The following CRYBB2 variants were observed in gnomAD, a reference collection of about 807,000 sequenced individuals.
CRYBB2 encodes crystallin beta B2.
A neutral mutation model predicts 24.3 loss-of-function variants in CRYBB2; 12 were observed. The ratio of observed to expected loss-of-function variants is 0.49; its 90% CI spans 0.32 to 0.80. The LOEUF is 0.80. Ranked by LOEUF, CRYBB2 falls within the 30% of genes least tolerant of loss-of-function variation. CRYBB2 has a pLI of 0.04. For synonymous variants in CRYBB2, 98 were observed against 101.6 expected, an observed-to-expected ratio of 0.96 and a Z score of 0.21; for missense variants, 198 against 268.5, an observed-to-expected ratio of 0.74 and a Z score of 1.83.
rs1448016398 is a variant in CRYBB2 at position 25,230,157 on chromosome 22, T to A, written c.449+579T>A. Reference sequence around the variant, plus strand: ...AGCTTATACCAGCTTGTAAGAACTTTTTTTTTTTTTTTTAATTGAGACGGA... The same window carrying A: ...AGCTTATACCAGCTTGTAAGAACTTATTTTTTTTTTTTTAATTGAGACGGA... On this transcript the variant is annotated intron_variant, in intron 5 of 5. Transcript: ENST00000398215. 4.2e-4 allele frequency among the ~76,000 whole-genome samples: 55 copies of A among 129,676 alleles called. 1 individual carries two copies. The highest frequency in any genetic ancestry group is 2.7e-4 in the Non-Finnish European group (17 of 63,364). 85.1% of individuals were successfully genotyped at this position (129,676 alleles called of 152,430 possible).
intron 5 of CRYBB2, among the ~76,000 whole-genome samples, chr22:25,230,882 T>G (rs1012288403): frequency 3.3e-5 from 5 of 151,522 alleles, no homozygotes; most frequent in African/African-American, 1.2e-4. Flanking sequence ...TGAGCTGAGA[T>G]CTCAAGGAAC....
chr22:25,226,176 G>C (rs964616135), intron 3 of CRYBB2, among the ~76,000 whole-genome samples: 43 of 51,198 alleles, frequency 8.4e-4, no homozygotes, highest in East Asian at 0.016. Flanking sequence ...CTCTGTGTGT[G>C]TGTGTGTGTG....
intron 5 of CRYBB2, among the ~76,000 whole-genome samples, chr22:25,230,932 C>A (rs1308734630): frequency 6.6e-6 from 1 of 152,036 alleles, no homozygotes; most frequent in East Asian, 1.9e-4. Context: ...GGAAGAGCAT[C>A]CCAGACAACG....
chr22:25,213,122 A>G (rs2146080219), intron 1 of CRYBB2, among the ~76,000 whole-genome samples: 1 of 152,238 alleles, frequency 6.6e-6, no homozygotes, highest in East Asian at 1.9e-4. Context: ...TTTTGAAAGC[A>G]TGCACGTAGA....
chr22:25,218,756 A>G (rs1601416139), upstream of CRYBB2, among the ~76,000 whole-genome samples: 1 of 40,348 alleles, frequency 2.5e-5, no homozygotes, highest in Non-Finnish European at 4.6e-5. Flanking sequence ...AGAGAGAGAG[A>G]GAGAGAGAGA....
At chr22:25,216,881 T>G (rs1029494026), upstream of CRYBB2, among the ~76,000 whole-genome samples, 3 of 152,198 alleles carry the variant, frequency 2.0e-5, no homozygotes, top group Middle Eastern at 3.2e-3. Context: ...CATACAATAT[T>G]TGTCCTTTTG....
upstream of CRYBB2, among the ~76,000 whole-genome samples, chr22:25,218,546 G>A (rs1461171817): frequency 1.3e-5 from 2 of 151,006 alleles, no homozygotes; most frequent in Admixed American, 6.6e-5. Context: ...CACACCTGTA[G>A]TCCCAGCTAC....
chr22:25,214,259 G>T (rs542303878), intron 1 of CRYBB2, among the ~76,000 whole-genome samples: 1 of 152,164 alleles, frequency 6.6e-6, no homozygotes, highest in Non-Finnish European at 1.5e-5. Flanking sequence ...GATCACTTGA[G>T]CCCAGCAGTT....
upstream of CRYBB2, among the ~76,000 whole-genome samples, chr22:25,214,949 C>T (rs372821499): frequency 2.6e-5 from 4 of 152,258 alleles, no homozygotes; most frequent in African/African-American, 9.6e-5. Flanking sequence ...TTTTACCACT[C>T]CTATCAGCCA....
chr22:25,218,186 G>T (rs183811008), upstream of CRYBB2, among the ~76,000 whole-genome samples: 8 of 152,080 alleles, frequency 5.3e-5, no homozygotes, highest in African/African-American at 1.2e-4. Context: ...GTGAACACGG[G>T]AGGCAGAGCT....
At chr22:25,218,509 A>C (rs1251953441), upstream of CRYBB2, among the ~76,000 whole-genome samples, 2 of 150,928 alleles carry the variant, frequency 1.3e-5, no homozygotes, top group African/African-American at 2.4e-5. Flanking sequence ...TACAGCAAAA[A>C]AAAGAATTTA....
chr22:25,220,111 T>A (rs1015915291), intron 1 of CRYBB2, among the ~76,000 whole-genome samples: 1 of 152,134 alleles, frequency 6.6e-6, no homozygotes, highest in Non-Finnish European at 1.5e-5. Flanking sequence ...GGGGATAGGA[T>A]GCAGCCACAG....
chr22:25,218,838 G>GAAAGAAAGAAAGAAAGAAAGAAAA (rs386365958), upstream of CRYBB2, among the ~76,000 whole-genome samples: 3 of 97,992 alleles, frequency 3.1e-5, no homozygotes, highest in Non-Finnish European at 6.1e-5. Flanking sequence ...AAGAAAGAAA[G>GAAAGAAAGAAAGAAAGAAAGAAAA]AGAAAGAAAG....
upstream of CRYBB2, among the ~76,000 whole-genome samples, chr22:25,218,838 G>GAA (rs386365958): frequency 7.8e-3 from 760 of 97,962 alleles, 44 homozygotes; most frequent in East Asian, 0.026. Flanking sequence ...AAGAAAGAAA[G>GAA]AGAAAGAAAG....
In CRYBB2 at chr22:25,229,449, A is replaced by G; in HGVS notation, c.320A>G (p.His107Arg). The G allele has an allele frequency of 1.2e-6, 2 of 1,611,422 alleles. No individual in the cohort carries two copies. Among genetic ancestry groups the G allele is most frequent in the Non-Finnish European group, 1.7e-6 (2 of 1,178,824 alleles). Residue 107 changes from histidine (H) to arginine (R), a missense_variant, in exon 5 of 6, where the codon CAC becomes CGC. Coordinates refer to ENST00000398215, the MANE Select transcript of CRYBB2 (RefSeq NM_000496.3). ...CTCTGCCAATAGGACAGCCAAGAGC[A>G]CAAGATCATCCTCTATGAAAACCCC... is the stretch of plus-strand genomic sequence containing the variant. The part of the protein sequence containing the change: ...LRPIKVDSQE[H>R]KIILYENPNF...
upstream of CRYBB2, among the ~76,000 whole-genome samples, chr22:25,217,982 G>C (rs549549607): frequency 1.3e-5 from 2 of 152,228 alleles, no homozygotes; most frequent in African/African-American, 2.4e-5. Context: ...AGTAAAGGCC[G>C]GGCGCGGTGG....
chr22:25,211,928 T>C (rs568785770), upstream of CRYBB2, among the ~76,000 whole-genome samples: 1 of 152,358 alleles, frequency 6.6e-6, no homozygotes, highest in Admixed American at 6.5e-5. Flanking sequence ...TTTCCTCTCC[T>C]AGCTCTACCA....
chr22:25,226,486 T>C (rs1281429097), intron 3 of CRYBB2, among the ~76,000 whole-genome samples: 1 of 152,148 alleles, frequency 6.6e-6, no homozygotes, highest in East Asian at 1.9e-4. Flanking sequence ...GCCAATTACA[T>C]TTGAGAACCC....
intron 1 of CRYBB2, chr22:25,213,725 T>C (rs1050564095): frequency 6.6e-6 from 1 of 152,162 alleles, no homozygotes; most frequent in African/African-American, 2.4e-5. Context: ...CTCACTAATA[T>C]ACCCTGAATT....
Sources: allele counts gnomAD v4.1 joint callset (sites outside exome capture counted in the v4.1 genomes callset), GRCh38; gene constraint gnomAD v4.1.1; transcripts MANE v1.5; gene names NCBI Gene and HGNC (gene_info 2026-07-23, HGNC 2026-07-21).